Variants in IFNLR1 observed in about 807,000 individuals in gnomAD.
The protein encoded by IFNLR1 is CRF2-12.
IFNLR1 carries 28 observed loss-of-function variants against 52.5 expected under a neutral mutation model. That is an observed-to-expected ratio of 0.53 (90% CI 0.40 to 0.73). IFNLR1 has a LOEUF of 0.73. Among genes scored for constraint, IFNLR1 ranks in the 30% least tolerant of loss-of-function variants. The probability of loss-of-function intolerance (pLI) is 0.00; values close to 1 mark genes in which losing one functional copy is unlikely to be tolerated. For synonymous variants in IFNLR1, 276 were observed against 274.9 expected (o/e 1.00, Z -0.04); for missense variants, 623 against 659.1 (o/e 0.95, Z 0.60).
chr1:24,167,950 G>A (rs1644536882), intron 3 of IFNLR1, among the ~76,000 whole-genome samples: 1 of 152,066 alleles, frequency 6.6e-6, no homozygotes, highest in African/African-American at 2.4e-5. Flanking sequence ...GCCCGCCTCG[G>A]CCTCCTAAAG....
At chr1:24,159,283 C>A (rs1184787030) in intron 5 of IFNLR1, 101 bp from the exon 6 acceptor site, 2 of 1,434,984 alleles carry the variant, frequency 1.4e-6, no homozygotes, top group African/African-American at 2.8e-5. Context: ...TTAATCCTCA[C>A]AAGAATAAAC....
At chr1:24,166,454 C>A (rs1644521019) in intron 3 of IFNLR1, among the ~76,000 whole-genome samples, 1 of 152,138 alleles carries the variant, frequency 6.6e-6, no homozygotes, top group Admixed American at 6.5e-5. Context: ...TCCAGCCCTT[C>A]CTTCCCTGCC....
chr1:24,186,446 T>G (rs907288898), intron 1 of IFNLR1, among the ~76,000 whole-genome samples: 1 of 152,154 alleles, frequency 6.6e-6, no homozygotes, highest in African/African-American at 2.4e-5. Flanking sequence ...CACAAAGAAG[T>G]TGCTGAATAA....
Position 24,187,176 on chromosome 1 carries a change from G to A in IFNLR1, c.58+15C>T. On this transcript the variant is annotated intron_variant, in intron 1 of 6. Coordinates refer to ENST00000327535, the MANE Select transcript of IFNLR1 (RefSeq NM_170743.4). ...AGCCCTCTTCCCCCTCCCTCCCGCGGCCCCGCGCCCTTACCTGGAGCGGCC... is the reference window on the plus strand; with the variant it reads ...AGCCCTCTTCCCCCTCCCTCCCGCGACCCCGCGCCCTTACCTGGAGCGGCC... The A allele has an allele frequency of 7.4e-7, 1 of 1,359,858 alleles. No homozygotes were observed. Among genetic ancestry groups the A allele is most frequent in the Non-Finnish European group, 9.5e-7 (1 of 1,052,424 alleles). 84.2% of individuals were successfully genotyped at this position (1,359,858 alleles called of 1,614,324 possible).
intron 6 of IFNLR1, 148 bp downstream of exon 6, chr1:24,158,904 A>G: frequency 1.2e-6 from 1 of 851,576 alleles, no homozygotes; most frequent in South Asian, 1.7e-5. Context: ...ATGCATTACT[A>G]ATGGTGGAAA....
At chr1:24,159,354 C>A (rs754991152) in intron 5 of IFNLR1, 120 bp downstream of exon 5, 18 of 1,250,504 alleles carry the variant, frequency 1.4e-5, no homozygotes, top group Non-Finnish European at 2.1e-5. Flanking sequence ...CAAAGACACA[C>A]AATGAGTGTG....
At chr1:24,162,802 T>TCTTTC (rs1557644047) in intron 3 of IFNLR1, among the ~76,000 whole-genome samples, 1 of 84,458 alleles carries the variant, frequency 1.2e-5, no homozygotes, top group Non-Finnish European at 2.5e-5. Flanking sequence ...CTTTCTTTCT[T>TCTTTC]TTTTCTTTCT....
chr1:24,162,872 TTTCTTTCCTTCC>T (rs1273822984), intron 3 of IFNLR1, among the ~76,000 whole-genome samples: 8 of 40,118 alleles, frequency 2.0e-4, no homozygotes, highest in East Asian at 9.5e-4. Context: ...TCTTTCTTTC[TTTCTTTCCTTCC>T]TTCCTTCCTT....
At chr1:24,162,374 C>CT (rs1370228097) in intron 3 of IFNLR1, among the ~76,000 whole-genome samples, 2 of 152,220 alleles carry the variant, frequency 1.3e-5, no homozygotes, top group Non-Finnish European at 2.9e-5. Context: ...CTGACTTCCC[C>CT]TTCTGCCACT....
Position 24,161,559 on chromosome 1 carries a change from C to T in IFNLR1, c.493G>A (p.Glu165Lys). 1.3e-6 allele frequency: 2 copies of T among 1,555,454 alleles called. No homozygotes were observed. Among genetic ancestry groups the T allele is most frequent in the Non-Finnish European group, 1.7e-6 (2 of 1,148,402 alleles). ...CTTCCCACCTTGTTTCCGGCCCCCT[C>T]CTTCCAGAATGCCACCTCATACTTC... ...DLKYEVAFWK[E>K]GAGNKTLFPV... The change falls in exon 4 of 7, where the codon GAG becomes AAG. Residue 165 changes from glutamate (E) to lysine (K), a missense_variant. Coordinates refer to ENST00000327535, the MANE Select transcript of IFNLR1 (RefSeq NM_170743.4).
intron 2 of IFNLR1, among the ~76,000 whole-genome samples, chr1:24,171,688 G>T (rs997392179): frequency 6.6e-6 from 1 of 151,206 alleles, no homozygotes; most frequent in Non-Finnish European, 1.5e-5. Flanking sequence ...ACAGAGTCTC[G>T]CTCTGTCATC....
At position 24,175,529 on chromosome 1, in the gene IFNLR1, G is replaced by C. The variant is rs145084321; in HGVS notation, c.182+5202C>G. Among the ~76,000 whole-genome samples the C allele has an allele frequency of 4.6e-3, 708 of 152,298 alleles. 8 individuals carry two copies. The highest frequency in any genetic ancestry group is 0.015 in the African/African-American group (632 of 41,554). On this transcript the variant is annotated intron_variant, in intron 2 of 6. Transcript: ENST00000327535. ...GCACATAACCTGTCTGGTTTCACAGGTTCATAAGTGGAGAGGAATTTGGCC... is the reference window on the plus strand; with the variant it reads ...GCACATAACCTGTCTGGTTTCACAGCTTCATAAGTGGAGAGGAATTTGGCC...
intron 5 of IFNLR1, 124 bp downstream of exon 5, chr1:24,159,348 GAC>G (rs763753772): frequency 8.1e-7 from 1 of 1,228,426 alleles, no homozygotes; most frequent in Non-Finnish European, 1.2e-6. Flanking sequence ...GCTGCCCAAA[GAC>G]ACACAATGAG....
Position 24,156,837 on chromosome 1 carries a change from C to A in IFNLR1, c.*293G>T. Reference sequence around the variant, plus strand: ...TGTTGTCCGGGGATAATTTTTCCCCCTGGCCTGTCACCCTAGGGACAATGG... The same window carrying A: ...TGTTGTCCGGGGATAATTTTTCCCCATGGCCTGTCACCCTAGGGACAATGG... On this transcript the variant is annotated 3_prime_UTR_variant, in exon 7 of 7. Transcript: ENST00000327535. The A allele has an allele frequency of 2.3e-6, 1 of 432,888 alleles. No homozygotes were observed. Among genetic ancestry groups the A allele is most frequent in the South Asian group, 3.8e-5 (1 of 26,176 alleles). The allele number at this position is 432,888 out of a possible 1,614,324, so 26.8% of individuals were successfully genotyped here. A position where few individuals can be genotyped will look rare whatever the true frequency, so the allele number is the denominator to read the frequency against.
At chr1:24,159,737 GT>G (rs79165037) in intron 4 of IFNLR1, 104 bp from the exon 5 acceptor site, 12,286 of 433,422 alleles carry the variant, frequency 0.028, 9 homozygotes, top group Non-Finnish European at 0.032. Flanking sequence ...TTTTTTTTTT[GT>G]TTTTTTTTTT....
rs7536412 is a variant in IFNLR1 at position 24,157,001 on chromosome 1, A to G, written c.*129T>C. The stretch of plus-strand genomic sequence containing the variant: ...CGACAGGCAAACAGCCGCTAGGTGG[A>G]CTTCCCGGAAGTGCAATGCCCCTCC... On this transcript the variant is annotated 3_prime_UTR_variant, in exon 7 of 7. Transcript: ENST00000327535. This position sits in a 1 kb window ranked among gnomAD's most constrained non-coding sequence, Gnocchi z 5.1. 1 allele frequency: 1,085,626 copies of G among 1,087,246 alleles called. 542,007 individuals carry two copies. Among genetic ancestry groups the G allele is most frequent in the East Asian group, 1 (41,637 of 41,638 alleles). The allele number at this position is 1,087,246 out of a possible 1,614,324, so 67.3% of individuals were successfully genotyped here.
chr1:24,162,762 TTCTTTCTTTCTTTC>T lies in IFNLR1; in HGVS notation c.368-1092_368-1079del, dbSNP rs1557643837. Among the ~76,000 whole-genome samples, 76 of 25,058 alleles carry T rather than the reference TTCTTTCTTTCTTTC, an allele frequency of 3.0e-3. 1 individual carries two copies. Among genetic ancestry groups the T allele is most frequent in the African/African-American group, 8.0e-3 (42 of 5,276 alleles). The allele number at this position is 25,058 out of a possible 152,430, so 16.4% of individuals were successfully genotyped here. A position where few individuals can be genotyped will look rare whatever the true frequency, so the allele number is the denominator to read the frequency against. Reference sequence around the variant, plus strand: ...TTTCTTTCTTTCTTTCTTTCTTTCTTTCTTTCTTTCTTTCTTTTTCTTTCTTTTTCTTTCTTTCT... The same window carrying T: ...TTTCTTTCTTTCTTTCTTTCTTTCTTTTTTTCTTTCTTTTTCTTTCTTTCT... On this transcript the variant is annotated intron_variant, in intron 3 of 6. Coordinates refer to ENST00000327535, the MANE Select transcript of IFNLR1 (RefSeq NM_170743.4).
chr1:24,163,081 C>T (rs1301331457), intron 3 of IFNLR1, among the ~76,000 whole-genome samples: 1 of 150,524 alleles, frequency 6.6e-6, no homozygotes, highest in Non-Finnish European at 1.5e-5. Context: ...CTGCTTCGGC[C>T]TCCTGAGCAG....
intron 3 of IFNLR1, among the ~76,000 whole-genome samples, chr1:24,168,686 C>A (rs1471894734): frequency 1.3e-5 from 2 of 151,902 alleles, no homozygotes; most frequent in Non-Finnish European, 2.9e-5. Flanking sequence ...CCCCCCCACC[C>A]CCCACAAATT....
Sources: allele counts gnomAD v4.1 joint callset (sites outside exome capture counted in the v4.1 genomes callset), GRCh38; gene constraint gnomAD v4.1.1; non-coding constraint Gnocchi (gnomAD v3.1); transcripts MANE v1.5; gene names NCBI Gene and HGNC (gene_info 2026-07-23, HGNC 2026-07-21).